The following AVP variants were observed in gnomAD, a reference collection of about 807,000 sequenced individuals.
AVP encodes arginine vasopressin.
A neutral mutation model predicts 11.1 loss-of-function variants in AVP; 9 were observed. That is an observed-to-expected ratio of 0.81 (90% confidence interval 0.49 to 1.42). The LOEUF (loss-of-function observed/expected upper bound fraction) is 1.42. Among genes scored for constraint, AVP ranks in the 40% most tolerant of loss-of-function variants. AVP has a pLI of 0.00. For synonymous variants in AVP, 106 were observed against 111.3 expected (o/e 0.95, Z 0.30); for missense variants, 206 against 238.5 (o/e 0.86, Z 0.90).
chr20:3,084,341 C>T (rs1487058014), intron 1 of AVP, among the ~76,000 whole-genome samples: 8 of 152,222 alleles, frequency 5.3e-5, no homozygotes, highest in Non-Finnish European at 7.3e-5. Context: ...TGACCAGGAG[C>T]GCCTTCAGCC....
Position 3,082,946 on chromosome 20 carries a change from C to CCCCAG in AVP, c.322+26_322+30dup. The CCCCAG allele has an allele frequency of 7.4e-7, 1 of 1,342,642 alleles. No homozygotes were observed. The highest frequency in any genetic ancestry group is 1.8e-5 in the South Asian group (1 of 56,992). 83.2% of individuals were successfully genotyped at this position (1,342,642 alleles called of 1,614,324 possible). A position where few individuals can be genotyped will look rare whatever the true frequency, so the allele number is the denominator to read the frequency against. ...CCCCCACCCAAGCGGTCTGCGCCCC[C>CCCCAG]CCCAGCCCCAGGCCCGCCCCCGCCG... On this transcript the variant is annotated intron_variant, in intron 2 of 2. Transcript: ENST00000380293. The surrounding 1 kb of genome is among the most constrained non-coding windows in gnomAD (Gnocchi z 4.7).
rs1029691178 is a variant in AVP at position 3,083,670 on chromosome 20, C to T, written c.121-492G>A. Among the ~76,000 whole-genome samples, 2 of 152,200 alleles carry T rather than the reference C, an allele frequency of 1.3e-5. No homozygotes were observed. The highest frequency in any genetic ancestry group is 2.4e-5 in the African/African-American group (1 of 41,460). The stretch of plus-strand genomic sequence containing the variant: ...ATTTCCTGTCTCCTCTCTTGCCTTG[C>T]CCCTGGCCCCCGCCAAGCTTGTCGG... On this transcript the variant is annotated intron_variant, in intron 1 of 2. Transcript: ENST00000380293. This position sits in a 1 kb window ranked among gnomAD's most constrained non-coding sequence, Gnocchi z 5.4.
chr20:3,084,384 T>G (rs115167095), intron 1 of AVP, among the ~76,000 whole-genome samples, 171 bp downstream of exon 1: 2,026 of 152,272 alleles, frequency 0.013, 45 homozygotes, highest in African/African-American at 0.046. Context: ...TGGTCCCCTC[T>G]GGCCCACCCC....
At position 3,082,857 on chromosome 20, in the gene AVP, C is replaced by A. The variant is rs1033920744; in HGVS notation, c.323-55G>T. 9.0e-6 allele frequency: 11 copies of A among 1,218,210 alleles called. No individual in the cohort carries two copies. Among genetic ancestry groups the A allele is most frequent in the African/African-American group, 1.6e-5 (1 of 63,060 alleles). 75.5% of individuals were successfully genotyped at this position (1,218,210 alleles called of 1,614,324 possible). On this transcript the variant is annotated intron_variant, in intron 2 of 2. Coordinates refer to ENST00000380293, the MANE Select transcript of AVP (RefSeq NM_000490.5). This position sits in a 1 kb window ranked among gnomAD's most constrained non-coding sequence, Gnocchi z 4.7. ...CCTGGGGCGGGCGCAGCTCGGGGTG[C>A]GGGGGGCCCACACCCTCCCTGCCGG...
chr20:3,083,826 A>G lies in AVP; in HGVS notation c.121-648T>C, dbSNP rs1426559620. On this transcript the variant is annotated intron_variant, in intron 1 of 2. Transcript: ENST00000380293. The surrounding 1 kb of genome is among the most constrained non-coding windows in gnomAD (Gnocchi z 5.4). ...CCTAAAGGAGCCTAGCAGGAGGAAG[A>G]GAGGCTGCGGGGGTTGCCGAGCGGC... Among the ~76,000 whole-genome samples the G allele has an allele frequency of 6.6e-6, 1 of 152,222 alleles. No individual in the cohort carries two copies. Among genetic ancestry groups the G allele is most frequent in the Non-Finnish European group, 1.5e-5 (1 of 68,042 alleles).
rs774152864 is a variant in AVP, at chr20:3,083,160, C to A, written c.139G>T (p.Gly47Trp). Residue 47 changes from glycine (G) to tryptophan (W), a missense_variant, in exon 2 of 3, where the codon GGG (glycine) becomes TGG (tryptophan). Around this residue, in one of 2 missense-constraint regions of AVP, gnomAD observed 100 missense variants for 149.3 expected, o/e 0.67. Transcript: ENST00000380293. The surrounding 1 kb of genome is among the most constrained non-coding windows in gnomAD (Gnocchi z 5.4). The part of the protein sequence containing the change: ...ELRQCLPCGP[G>W]GKGRCFGPSI... ...GGCCCGAAGCAGCGGCCTTTGCCCCCGGGGCCGCAGGGGAGGCACTGCGGG... is the reference window on the plus strand; with the variant it reads ...GGCCCGAAGCAGCGGCCTTTGCCCCAGGGGCCGCAGGGGAGGCACTGCGGG... 1 of 1,504,728 alleles carries A rather than the reference C, an allele frequency of 6.6e-7. No individual in the cohort carries two copies. Among genetic ancestry groups the A allele is most frequent in the Non-Finnish European group, 8.8e-7 (1 of 1,133,300 alleles). The allele number at this position is 1,504,728 out of a possible 1,614,324, so 93.2% of individuals were successfully genotyped here.
chr20:3,083,290 C>T lies in AVP; in HGVS notation c.121-112G>A. ...TCCAGGGCTCGGAGTGCGGGCGGGACACCGGGGCTGCGGCTGCAGGCACGC... is the reference window on the plus strand; with the variant it reads ...TCCAGGGCTCGGAGTGCGGGCGGGATACCGGGGCTGCGGCTGCAGGCACGC... On this transcript the variant is annotated intron_variant, in intron 1 of 2. Transcript: ENST00000380293. This position sits in a 1 kb window ranked among gnomAD's most constrained non-coding sequence, Gnocchi z 5.4. 8.4e-7 allele frequency: 1 copy of T among 1,187,452 alleles called. No homozygotes were observed. The highest frequency in any genetic ancestry group is 4.1e-5 in the Admixed American group (1 of 24,610). 73.6% of individuals were successfully genotyped at this position (1,187,452 alleles called of 1,614,324 possible). A position where few individuals can be genotyped will look rare whatever the true frequency, so the allele number is the denominator to read the frequency against.
rs890908130 is a variant in AVP at position 3,083,028 on chromosome 20, C to G, written c.271G>C (p.Ala91Pro). The G allele has an allele frequency of 1.3e-6, 2 of 1,556,228 alleles. No individual in the cohort carries two copies. The highest frequency in any genetic ancestry group is 1.7e-6 in the Non-Finnish European group (2 of 1,161,728). ...LPSPCQSGQK[A>P]CGSGGRCAAF... ...GCGCAGCGGCCCCCGCTCCCGCACG[C>G]CTTCTGGCCGGACTGGCAGGGCGAC... Residue 91 changes from alanine to proline, a missense_variant, in exon 2 of 3, where the codon GCG (alanine) becomes CCG (proline). Physicochemically the swap from Ala to Pro is conservative, Grantham distance 27 (BLOSUM62 -1). Around this residue, in one of 2 missense-constraint regions of AVP, gnomAD observed 100 missense variants for 149.3 expected, o/e 0.67. Coordinates refer to ENST00000380293, the MANE Select transcript of AVP (RefSeq NM_000490.5). The surrounding 1 kb of genome is among the most constrained non-coding windows in gnomAD (Gnocchi z 5.4).
At position 3,082,874 on chromosome 20, in the gene AVP, C is replaced by T. The variant is rs1045097290; in HGVS notation, c.323-72G>A. ...TCGGGGTGCGGGGGGCCCACACCCTCCCTGCCGGGCCCGACGCAGCCCCCA... is the reference window on the plus strand; with the variant it reads ...TCGGGGTGCGGGGGGCCCACACCCTTCCTGCCGGGCCCGACGCAGCCCCCA... On this transcript the variant is annotated intron_variant, in intron 2 of 2. Transcript: ENST00000380293. This position sits in a 1 kb window ranked among gnomAD's most constrained non-coding sequence, Gnocchi z 4.7. The T allele has an allele frequency of 7.3e-6, 9 of 1,224,784 alleles. No individual in the cohort carries two copies. The highest frequency in any genetic ancestry group is 3.4e-5 in the East Asian group (1 of 29,040). 75.9% of individuals were successfully genotyped at this position (1,224,784 alleles called of 1,614,324 possible).
Position 3,083,247 on chromosome 20 carries a change from G to T in AVP, c.121-69C>A. 1 of 1,359,422 alleles carries T rather than the reference G, an allele frequency of 7.4e-7. No individual in the cohort carries two copies. Among genetic ancestry groups the T allele is most frequent in the Admixed American group, 3.2e-5 (1 of 31,694 alleles). The allele number at this position is 1,359,422 out of a possible 1,614,324, so 84.2% of individuals were successfully genotyped here. A position where few individuals can be genotyped will look rare whatever the true frequency, so the allele number is the denominator to read the frequency against. ...TCGAGGGGTTGGAGGGGAACGCAGC[G>T]AGGCGGGGATGCTGGGGTCCAGGGC... On this transcript the variant is annotated intron_variant, in intron 1 of 2. Transcript: ENST00000380293. The surrounding 1 kb of genome is among the most constrained non-coding windows in gnomAD (Gnocchi z 5.4).
At position 3,082,590 on chromosome 20, in the gene AVP, G is replaced by A. The variant is rs911455353; in HGVS notation, c.*40C>T. On this transcript the variant is annotated 3_prime_UTR_variant, in exon 3 of 3. Transcript: ENST00000380293. The surrounding 1 kb of genome is among the most constrained non-coding windows in gnomAD (Gnocchi z 4.7). The stretch of plus-strand genomic sequence containing the variant: ...GGAGGTTTATTGTCCGTGCTGCAGG[G>A]GCGGGCGCGAAGAGCGCGCCGGTGG... 32 of 1,242,484 alleles carry A rather than the reference G, an allele frequency of 2.6e-5. No homozygotes were observed. The highest frequency in any genetic ancestry group is 1.3e-4 in the East Asian group (4 of 30,950). The allele number at this position is 1,242,484 out of a possible 1,614,324, so 77.0% of individuals were successfully genotyped here. A position where few individuals can be genotyped will look rare whatever the true frequency, so the allele number is the denominator to read the frequency against.
chr20:3,084,178 A>G (rs2066125897), intron 1 of AVP, among the ~76,000 whole-genome samples: 1 of 152,166 alleles, frequency 6.6e-6, no homozygotes, highest in Admixed American at 6.5e-5. Context: ...AATGCTAGGT[A>G]GGATGGAGCC....
In AVP at chr20:3,083,464, A is replaced by AG. The variant is rs1568734229; in HGVS notation, c.121-287_121-286insC. Among the ~76,000 whole-genome samples the AG allele has an allele frequency of 1.3e-5, 2 of 151,784 alleles. No individual in the cohort carries two copies. Among genetic ancestry groups the AG allele is most frequent in the African/African-American group, 2.4e-5 (1 of 41,360 alleles). ...TCTCCCGTGGACTACAGCGTGGGGA[A>AG]CCCTTCCTCGAGCCTCGGGGTCATC... On this transcript the variant is annotated intron_variant, in intron 1 of 2. Coordinates refer to ENST00000380293, the MANE Select transcript of AVP (RefSeq NM_000490.5). This position sits in a 1 kb window ranked among gnomAD's most constrained non-coding sequence, Gnocchi z 5.4.
At position 3,082,946 on chromosome 20, in the gene AVP, C is replaced by CA. The variant is rs888325542; in HGVS notation, c.322+30_322+31insT. 10 of 1,342,538 alleles carry CA rather than the reference C, an allele frequency of 7.4e-6. No homozygotes were observed. Among genetic ancestry groups the CA allele is most frequent in the South Asian group, 3.5e-5 (2 of 56,996 alleles). The allele number at this position is 1,342,538 out of a possible 1,614,324, so 83.2% of individuals were successfully genotyped here. A position where few individuals can be genotyped will look rare whatever the true frequency, so the allele number is the denominator to read the frequency against. ...CCCCCACCCAAGCGGTCTGCGCCCC[C>CA]CCCAGCCCCAGGCCCGCCCCCGCCG... On this transcript the variant is annotated intron_variant, in intron 2 of 2. Coordinates refer to ENST00000380293, the MANE Select transcript of AVP (RefSeq NM_000490.5). This position sits in a 1 kb window ranked among gnomAD's most constrained non-coding sequence, Gnocchi z 4.7.
Position 3,082,806 on chromosome 20 carries a change from C to A in AVP, c.323-4G>T. 2 of 1,240,294 alleles carry A rather than the reference C, an allele frequency of 1.6e-6. No homozygotes were observed. The highest frequency in any genetic ancestry group is 2.0e-6 in the Non-Finnish European group (2 of 994,294). The allele number at this position is 1,240,294 out of a possible 1,614,324, so 76.8% of individuals were successfully genotyped here. A position where few individuals can be genotyped will look rare whatever the true frequency, so the allele number is the denominator to read the frequency against. ...TCGGGCTCGGTCACGCAGCTCTCTG[C>A]CGGGAGGACGTGTGAGCACGGGCGC... On this transcript the variant is annotated splice_region_variant and splice_polypyrimidine_tract_variant and intron_variant, in intron 2 of 2. Transcript: ENST00000380293. This position sits in a 1 kb window ranked among gnomAD's most constrained non-coding sequence, Gnocchi z 4.7.
At position 3,082,595 on chromosome 20, in the gene AVP, G is replaced by A; in HGVS notation, c.*35C>T. On this transcript the variant is annotated 3_prime_UTR_variant, in exon 3 of 3. Coordinates refer to ENST00000380293, the MANE Select transcript of AVP (RefSeq NM_000490.5). This position sits in a 1 kb window ranked among gnomAD's most constrained non-coding sequence, Gnocchi z 4.7. ...TTTATTGTCCGTGCTGCAGGGGCGG[G>A]CGCGAAGAGCGCGCCGGTGGGGCGA... The A allele has an allele frequency of 8.0e-7, 1 of 1,243,942 alleles. No individual in the cohort carries two copies. The highest frequency in any genetic ancestry group is 1.0e-6 in the Non-Finnish European group (1 of 994,864). The allele number at this position is 1,243,942 out of a possible 1,614,324, so 77.1% of individuals were successfully genotyped here. A position where few individuals can be genotyped will look rare whatever the true frequency, so the allele number is the denominator to read the frequency against.
chr20:3,084,516 C>A, intron 1 of AVP, 39 bp downstream of exon 1: 2 of 1,613,044 alleles, frequency 1.2e-6, no homozygotes, highest in South Asian at 1.1e-5. Context: ...CAGCACTGCC[C>A]GCTATGGCAG....
At chr20:3,084,389 C>T (rs2066126989) in intron 1 of AVP, among the ~76,000 whole-genome samples, 166 bp downstream of exon 1, 2 of 152,194 alleles carry the variant, frequency 1.3e-5, no homozygotes, top group Admixed American at 1.3e-4. Flanking sequence ...CCCTCTGGCC[C>T]ACCCCATTGG....
At chr20:3,084,085 C>T (rs768868572) in intron 1 of AVP, among the ~76,000 whole-genome samples, 6 of 152,222 alleles carry the variant, frequency 3.9e-5, no homozygotes, top group African/African-American at 1.4e-4. Context: ...CCCACTCAAG[C>T]GCGCTCAGAC....
Sources: allele counts gnomAD v4.1 joint callset (sites outside exome capture counted in the v4.1 genomes callset), GRCh38; gene constraint gnomAD v4.1.1; regional missense constraint gnomAD v4.1.1; non-coding constraint Gnocchi (gnomAD v3.1); transcripts MANE v1.5; gene names NCBI Gene and HGNC (gene_info 2026-07-23, HGNC 2026-07-21).